DPH6: variants seen among roughly 807,000 people sequenced by gnomAD.
The protein encoded by DPH6 is diphthamine biosynthesis 6.
DPH6 carries 33 observed loss-of-function variants against 38.2 expected under a neutral mutation model. That is an observed-to-expected ratio of 0.86 (90% CI 0.65 to 1.15). The LOEUF is 1.15. DPH6 is among the 50% of genes most tolerant of loss of function. The pLI, the probability that DPH6 is intolerant of heterozygous loss-of-function variation, is 0.00. For synonymous variants in DPH6, 108 were observed against 103.0 expected, an observed-to-expected ratio of 1.05 and a Z score of -0.30; for missense variants, 325 against 320.0, an observed-to-expected ratio of 1.02 and a Z score of -0.12.
intron 3 of DPH6, among the ~76,000 whole-genome samples, chr15:35,262,307 C>T (rs149222329): frequency 2.1e-4 from 32 of 152,252 alleles, no homozygotes; most frequent in African/African-American, 6.7e-4. Context: ...AAACACACTT[C>T]ATAAAAATTT....
At chr15:35,176,133 C>T in the DPH6 span, among the ~76,000 whole-genome samples, 7 of 152,214 alleles carry the variant, frequency 4.6e-5, no homozygotes, top group Admixed American at 2.0e-4. Context: ...ACTGTATATA[C>T]AATACCCACA....
chr15:35,294,646 G>T (rs1255878910), intron 3 of DPH6, among the ~76,000 whole-genome samples: 1 of 152,076 alleles, frequency 6.6e-6, no homozygotes, highest in African/African-American at 2.4e-5. Context: ...TATATACTGT[G>T]CTTGAGATAC....
chr15:35,486,085 A>G (rs2054394165), intron 3 of DPH6, among the ~76,000 whole-genome samples: 1 of 152,236 alleles, frequency 6.6e-6, no homozygotes, highest in Non-Finnish European at 1.5e-5. Flanking sequence ...TAATTGACTC[A>G]CAGTTCCACT....
At chr15:35,464,445 C>G (rs1198578843) in intron 3 of DPH6, among the ~76,000 whole-genome samples, 1 of 152,104 alleles carries the variant, frequency 6.6e-6, no homozygotes, top group Non-Finnish European at 1.5e-5. Context: ...AATGCTGATT[C>G]TTTGTCCTTC....
intron 5 of DPH6, among the ~76,000 whole-genome samples, chr15:35,411,247 G>A (rs1158939122): frequency 1.3e-5 from 2 of 151,506 alleles, no homozygotes; most frequent in South Asian, 2.1e-4. Flanking sequence ...TAATGGTTAT[G>A]ATTTATTTTA....
Position 35,274,658 on chromosome 15 carries a change from T to C in DPH6, n.201-54076A>G, listed in dbSNP as rs181290606. ...ATGAAAGAAAGCTCATCATCATTGG[T>C]CATCAGAGAAATGCAAATCAAAACC... On this transcript the variant is annotated intron_variant and non_coding_transcript_variant, in intron 3 of 3. Transcript: ENST00000560386. Among the ~76,000 whole-genome samples the C allele has an allele frequency of 3.9e-5, 6 of 152,262 alleles. No homozygotes were observed. The East Asian group carries it at 1.2e-3, about 29-fold the overall frequency.
At chr15:35,511,703 T>C (rs761968380) in intron 3 of DPH6, among the ~76,000 whole-genome samples, 47 of 151,276 alleles carry the variant, frequency 3.1e-4, no homozygotes, top group Admixed American at 6.6e-5. Context: ...GAGATTATCA[T>C]TTAAAAAAAA....
At chr15:35,222,540 G>C (rs77617747) in intron 3 of DPH6, among the ~76,000 whole-genome samples, 3 of 152,080 alleles carry the variant, frequency 2.0e-5, no homozygotes, top group African/African-American at 4.8e-5. Context: ...AACTTGAAGG[G>C]GGGGGTTTCA....
chr15:35,475,774 A>G (rs2054256854), intron 3 of DPH6, among the ~76,000 whole-genome samples: 1 of 151,828 alleles, frequency 6.6e-6, no homozygotes, highest in Non-Finnish European at 1.5e-5. Flanking sequence ...ATTAAAAAAA[A>G]GCAGTCAAGC....
chr15:35,431,009 A>G (rs1481000114), intron 5 of DPH6, among the ~76,000 whole-genome samples: 1 of 152,130 alleles, frequency 6.6e-6, no homozygotes, highest in African/African-American at 2.4e-5. Context: ...TGAAAACCAT[A>G]GACTTTATTT....
At chr15:35,265,256 A>G (rs1257859280) in intron 3 of DPH6, among the ~76,000 whole-genome samples, 1 of 152,224 alleles carries the variant, frequency 6.6e-6, no homozygotes, top group Non-Finnish European at 1.5e-5. Flanking sequence ...AAAGGACAGT[A>G]TAAGTGTAAG....
intron 3 of DPH6, among the ~76,000 whole-genome samples, chr15:35,356,149 T>C (rs1489509030): frequency 6.6e-6 from 1 of 152,174 alleles, no homozygotes; most frequent in Non-Finnish European, 1.5e-5. Context: ...CATTTAAGGA[T>C]GTCTCTGCAT....
the DPH6 span, among the ~76,000 whole-genome samples, chr15:35,192,388 T>C: frequency 6.6e-6 from 1 of 152,218 alleles, no homozygotes; most frequent in Non-Finnish European, 1.5e-5. Context: ...GTTCTTCCTT[T>C]ATTCTACCTT....
chr15:35,228,069 G>A (rs1379243986), intron 3 of DPH6, among the ~76,000 whole-genome samples: 1 of 152,016 alleles, frequency 6.6e-6, no homozygotes, highest in African/African-American at 2.4e-5. Context: ...AAAGATTCAT[G>A]TTCTAAAGAA....
intron 3 of DPH6, among the ~76,000 whole-genome samples, chr15:35,317,137 T>C (rs2052197082): frequency 6.6e-6 from 1 of 152,102 alleles, no homozygotes; most frequent in Non-Finnish European, 1.5e-5. Context: ...CATGTGCCTG[T>C]AGTCCCAGCT....
Position 35,371,870 on chromosome 15 carries a change from G to A in DPH6, c.*280C>T. 1.8e-6 allele frequency: 2 copies of A among 1,088,016 alleles called. No individual in the cohort carries two copies. Among genetic ancestry groups the A allele is most frequent in the Non-Finnish European group, 1.1e-6 (1 of 894,096 alleles). The allele number at this position is 1,088,016 out of a possible 1,614,324, so 67.4% of individuals were successfully genotyped here. ...TAAAAAAAGAAATGCTACAGAAATG[G>A]GGTTTATAGATGAAATAAAAGAAAA... On this transcript the variant is annotated 3_prime_UTR_variant, in exon 9 of 9. Coordinates refer to ENST00000256538, the MANE Select transcript of DPH6 (RefSeq NM_080650.4).
chr15:35,348,819 T>C (rs1402716510), intron 3 of DPH6, among the ~76,000 whole-genome samples: 2 of 152,168 alleles, frequency 1.3e-5, no homozygotes, highest in Non-Finnish European at 1.5e-5. Flanking sequence ...TGTTTAATTT[T>C]TTTCAGCAAT....
intron 4 of DPH6, among the ~76,000 whole-genome samples, chr15:35,454,285 G>C (rs997169338): frequency 2.6e-5 from 4 of 152,106 alleles, no homozygotes; most frequent in Non-Finnish European, 4.4e-5. Context: ...GGCTTTATAT[G>C]TAAGCATTTC....
the DPH6 span, among the ~76,000 whole-genome samples, chr15:35,158,223 GA>G: frequency 6.6e-6 from 1 of 151,324 alleles, no homozygotes; most frequent in African/African-American, 2.4e-5. Flanking sequence ...GAAATGAGGG[GA>G]AAAAAGTGTG....
Sources: gnomAD v4.1 joint callset for allele counts (sites outside exome capture counted in the v4.1 genomes callset) on GRCh38, gnomAD v4.1.1 for gene constraint, MANE v1.5 for transcripts, NCBI Gene and HGNC (gene_info 2026-07-23, HGNC 2026-07-21) for gene names.